The following KDELR3 variants were observed in gnomAD, a reference collection of about 807,000 sequenced individuals.
The protein encoded by KDELR3 is ER lumen protein-retaining receptor 3.
KDELR3 carries 26 observed loss-of-function variants against 22.7 expected under a neutral mutation model. That is an observed-to-expected ratio of 1.15 (90% CI 0.84 to 1.59). The LOEUF (loss-of-function observed/expected upper bound fraction) is 1.59. Ranked by LOEUF, KDELR3 falls within the 40% of genes most tolerant of loss-of-function variation. The pLI is 0.00. For synonymous variants in KDELR3, 120 were observed against 98.2 expected, an observed-to-expected ratio of 1.22 and a Z score of -1.31; for missense variants, 289 against 251.1, an observed-to-expected ratio of 1.15 and a Z score of -1.02.
intron 1 of KDELR3, among the ~76,000 whole-genome samples, chr22:38,471,263 G>A (rs2089523331): frequency 6.6e-6 from 1 of 152,192 alleles, no homozygotes; most frequent in Non-Finnish European, 1.5e-5. Flanking sequence ...GAGGGGTAGG[G>A]GAAGGCCCAA....
At chr22:38,472,328 T>C (rs2089530368) in intron 1 of KDELR3, among the ~76,000 whole-genome samples, 1 of 151,730 alleles carries the variant, frequency 6.6e-6, no homozygotes, top group African/African-American at 2.4e-5. Flanking sequence ...AACACAAAAA[T>C]TAGCCGGGCA....
chr22:38,477,289 C>T (rs143559117), intron 2 of KDELR3, among the ~76,000 whole-genome samples: 3,386 of 149,966 alleles, frequency 0.023, 121 homozygotes, highest in African/African-American at 0.079. Context: ...TTGCAACCTC[C>T]GCCTCCCAGG....
At position 38,483,421 on chromosome 22, in the gene KDELR3, CAAT is replaced by C. The variant is rs1339198939; in HGVS notation, c.*888_*890del. The C allele has an allele frequency of 6.6e-6, 1 of 152,244 alleles. No homozygotes were observed. The highest frequency in any genetic ancestry group is 1.5e-5 in the Non-Finnish European group (1 of 68,026). The allele number at this position is 152,244 out of a possible 1,614,324, so 9.4% of individuals were successfully genotyped here. A position where few individuals can be genotyped will look rare whatever the true frequency, so the allele number is the denominator to read the frequency against. ...ACGTTGAATTATTCAGAGAATTAAG[CAAT>C]AAAAGCTCACACCTTATTGTCAACA... On this transcript the variant is annotated 3_prime_UTR_variant, in exon 5 of 5. Coordinates refer to ENST00000216014, the MANE Select transcript of KDELR3 (RefSeq NM_006855.4).
intron 3 of KDELR3, among the ~76,000 whole-genome samples, chr22:38,480,941 AAAATT>A (rs1161910304): frequency 2.0e-5 from 3 of 152,070 alleles, no homozygotes; most frequent in African/African-American, 7.2e-5. Flanking sequence ...TAAAAAAAAA[AAAATT>A]AAAAGTAGTT....
chr22:38,481,162 G>C (rs1400403940), intron 3 of KDELR3, 50 bp from the exon 4 acceptor site: 2 of 1,476,430 alleles, frequency 1.4e-6, no homozygotes, highest in African/African-American at 2.8e-5. Context: ...TTTTAAGATG[G>C]GCCTCTTCTT....
chr22:38,476,637 A>C (rs1315356366), intron 2 of KDELR3, among the ~76,000 whole-genome samples: 1 of 150,188 alleles, frequency 6.7e-6, no homozygotes, highest in African/African-American at 2.5e-5. Context: ...CAATTCTCCT[A>C]CCTCAGCCTC....
intron 2 of KDELR3, 56 bp downstream of exon 2, chr22:38,474,679 A>T (rs1602658970): frequency 7.1e-7 from 1 of 1,414,618 alleles, no homozygotes; most frequent in East Asian, 2.3e-5. Flanking sequence ...ACAAACTGTG[A>T]GGTAGCCTGC....
In KDELR3 at chr22:38,480,480, T is replaced by C. The variant is rs146918635; in HGVS notation, c.351+729T>C. Among the ~76,000 whole-genome samples the C allele has an allele frequency of 3.2e-3, 493 of 152,200 alleles. 7 individuals are homozygous for C. The highest frequency in any genetic ancestry group is 0.012 in the African/African-American group (485 of 41,532). ...AACTGTGGCTTCAATTATGATTTTA[T>C]ACTATGAAACTATCATTTAAGTTAT... is the stretch of plus-strand genomic sequence containing the variant. On this transcript the variant is annotated intron_variant, in intron 3 of 4. Coordinates refer to ENST00000216014, the MANE Select transcript of KDELR3 (RefSeq NM_006855.4).
At chr22:38,479,899 T>C in intron 3 of KDELR3, 148 bp downstream of exon 3, 1 of 770,768 alleles carries the variant, frequency 1.3e-6, no homozygotes, top group South Asian at 1.7e-5. Context: ...TGACAAGCTA[T>C]TTACAATGCT....
intron 1 of KDELR3, among the ~76,000 whole-genome samples, chr22:38,473,878 G>A (rs1464484586): frequency 1.3e-5 from 2 of 152,090 alleles, no homozygotes; most frequent in East Asian, 3.9e-4. Flanking sequence ...GGAGGCTGAG[G>A]CAGGAGAATC....
At chr22:38,476,020 C>A (rs961276065) in intron 2 of KDELR3, among the ~76,000 whole-genome samples, 2 of 152,024 alleles carry the variant, frequency 1.3e-5, no homozygotes, top group Non-Finnish European at 2.9e-5. Context: ...GCCTCAACTT[C>A]CCGGGCTGAA....
chr22:38,468,837 G>A (rs538293539), intron 1 of KDELR3, among the ~76,000 whole-genome samples: 1 of 152,370 alleles, frequency 6.6e-6, no homozygotes, highest in East Asian at 1.9e-4. Flanking sequence ...GCTCAGGCGG[G>A]TATGGAGCTG....
At chr22:38,480,484 A>C (rs747709014) in intron 3 of KDELR3, among the ~76,000 whole-genome samples, 2 of 152,062 alleles carry the variant, frequency 1.3e-5, no homozygotes, top group African/African-American at 2.4e-5. Context: ...ATTTTATACT[A>C]TGAAACTATC....
chr22:38,476,205 T>C (rs1022640244), intron 2 of KDELR3, among the ~76,000 whole-genome samples: 45 of 152,022 alleles, frequency 3.0e-4, no homozygotes, highest in Admixed American at 2.9e-3. Context: ...GTTCTGGAAT[T>C]ACCATGATCA....
At position 38,483,035 on chromosome 22, in the gene KDELR3, A is replaced by C. The variant is rs2089616926; in HGVS notation, c.*499A>C. ...TAGTTTTAAGTGTGAAACTTATTTC[A>C]CTTTCACACTGCCTTCAGGCCAGAA... On this transcript the variant is annotated 3_prime_UTR_variant, in exon 5 of 5. Transcript: ENST00000216014. The C allele has an allele frequency of 6.5e-6, 1 of 153,552 alleles. No homozygotes were observed. The highest frequency in any genetic ancestry group is 1.4e-5 in the Non-Finnish European group (1 of 69,002). The allele number at this position is 153,552 out of a possible 1,614,324, so 9.5% of individuals were successfully genotyped here.
chr22:38,481,588 A>G (rs2089601925), intron 4 of KDELR3, 124 bp downstream of exon 4: 1 of 1,532,466 alleles, frequency 6.5e-7, no homozygotes, highest in Non-Finnish European at 8.7e-7. Flanking sequence ...CTTGTGTTCT[A>G]ATGCAAGAAG....
At chr22:38,470,792 A>C (rs1204103735) in intron 1 of KDELR3, among the ~76,000 whole-genome samples, 2 of 152,088 alleles carry the variant, frequency 1.3e-5, no homozygotes, top group African/African-American at 4.8e-5. Context: ...CCGGGTCTCC[A>C]TGTGCAGCTT....
intron 1 of KDELR3, among the ~76,000 whole-genome samples, chr22:38,472,015 G>A (rs2089528290): frequency 1.3e-5 from 2 of 151,968 alleles, no homozygotes; most frequent in Non-Finnish European, 2.9e-5. Context: ...GGAACCAGAG[G>A]GATGGTTAGA....
intron 4 of KDELR3, among the ~76,000 whole-genome samples, chr22:38,481,952 G>GT (rs1266001200): frequency 6.6e-6 from 1 of 152,162 alleles, no homozygotes; most frequent in Non-Finnish European, 1.5e-5. Flanking sequence ...CACTTCATAT[G>GT]TTTTAAGAAA....
Sources: gnomAD v4.1 joint callset for allele counts (sites outside exome capture counted in the v4.1 genomes callset) on GRCh38, gnomAD v4.1.1 for gene constraint, MANE v1.5 for transcripts, NCBI Gene and HGNC (gene_info 2026-07-23, HGNC 2026-07-21) for gene names.